Variants in CSMD1 observed in about 807,000 individuals in gnomAD.
CSMD1 encodes the protein CUB and sushi domain-containing protein 1.
In CSMD1, 213 loss-of-function variants were observed where a neutral mutation model predicts 417.5. The observed-to-expected ratio is 0.51, with a 90% confidence interval of 0.46 to 0.57. The LOEUF (loss-of-function observed/expected upper bound fraction) is 0.57. CSMD1 is among the 20% of genes least tolerant of loss of function. CSMD1 has a pLI of 0.00. For missense variants in CSMD1, 6,923 were observed against 4,529.7 expected, an observed-to-expected ratio of 1.53 and a Z score of -15.17; for synonymous variants, 2,862 against 1,736.8, an observed-to-expected ratio of 1.65 and a Z score of -16.11.
At chr8:3,070,116 G>A (rs1473983238) in intron 49 of CSMD1, among the ~76,000 whole-genome samples, 1 of 152,194 alleles carries the variant, frequency 6.6e-6, no homozygotes, top group East Asian at 1.9e-4. Context: ...CCTGGGCCTG[G>A]CCCACAAAAT....
chr8:3,806,238 A>C (rs995375939), intron 5 of CSMD1, among the ~76,000 whole-genome samples: 1 of 152,160 alleles, frequency 6.6e-6, no homozygotes, highest in Admixed American at 6.5e-5. Flanking sequence ...TATGGAGTAC[A>C]TGCAGGTTGT....
At chr8:4,016,267 G>C (rs573056914) in intron 4 of CSMD1, among the ~76,000 whole-genome samples, 2 of 152,030 alleles carry the variant, frequency 1.3e-5, no homozygotes, top group Non-Finnish European at 2.9e-5. Context: ...GTAATTCATA[G>C]GTACCTAAAA....
At chr8:4,432,322 A>G (rs1294497292) in intron 2 of CSMD1, among the ~76,000 whole-genome samples, 1 of 152,168 alleles carries the variant, frequency 6.6e-6, no homozygotes, top group Non-Finnish European at 1.5e-5. Context: ...CAGCTTAAGT[A>G]ACTTACTCAA....
intron 5 of CSMD1, among the ~76,000 whole-genome samples, chr8:3,901,510 A>T (rs567175226): frequency 6.6e-6 from 1 of 152,302 alleles, no homozygotes; most frequent in Admixed American, 6.5e-5. Flanking sequence ...GAACCAAGGG[A>T]GCCACGCTTT....
At chr8:3,150,577 TATTC>T (rs111736662) in intron 40 of CSMD1, among the ~76,000 whole-genome samples, 7 of 152,228 alleles carry the variant, frequency 4.6e-5, no homozygotes, top group Admixed American at 1.3e-4. Context: ...TTTATGGTTG[TATTC>T]ATTCATTCAT....
intron 10 of CSMD1, among the ~76,000 whole-genome samples, chr8:3,538,241 C>G (rs1011732191): frequency 6.6e-6 from 1 of 152,242 alleles, no homozygotes; most frequent in South Asian, 2.1e-4. Flanking sequence ...CAATGGCACA[C>G]CTGAGATGCC....
At chr8:3,180,039 A>C (rs1238244345) in intron 37 of CSMD1, among the ~76,000 whole-genome samples, 1 of 152,220 alleles carries the variant, frequency 6.6e-6, no homozygotes, top group Non-Finnish European at 1.5e-5. Context: ...AATTCAAAAG[A>C]TCACTTATTA....
At chr8:4,962,368 G>C (rs1243685778) in intron 1 of CSMD1, among the ~76,000 whole-genome samples, 1 of 151,894 alleles carries the variant, frequency 6.6e-6, no homozygotes, top group Non-Finnish European at 1.5e-5. Context: ...AAGCCATCTT[G>C]ACTGCTTAAT....
At chr8:4,365,424 G>A (rs571304863) in intron 3 of CSMD1, among the ~76,000 whole-genome samples, 20 of 152,058 alleles carry the variant, frequency 1.3e-4, no homozygotes, top group East Asian at 7.7e-4. Context: ...TAACCTCTGG[G>A]GAAAAATAAA....
intron 4 of CSMD1, among the ~76,000 whole-genome samples, chr8:3,998,501 A>G (rs1815401211): frequency 6.6e-6 from 1 of 152,200 alleles, no homozygotes. Flanking sequence ...TTATTCATGG[A>G]TACCTGGCTT....
intron 2 of CSMD1, among the ~76,000 whole-genome samples, chr8:4,420,592 G>T (rs553125334): frequency 3.3e-5 from 5 of 152,028 alleles, no homozygotes; most frequent in Non-Finnish European, 5.9e-5. Context: ...AAACATTTGT[G>T]CACTCAAACA....
At chr8:4,209,270 C>G (rs1239473544) in intron 3 of CSMD1, among the ~76,000 whole-genome samples, 2 of 152,180 alleles carry the variant, frequency 1.3e-5, no homozygotes, top group South Asian at 2.1e-4. Flanking sequence ...CAGCTGGCCT[C>G]TTTCCTTCAT....
At chr8:4,355,993 G>T (rs964595483) in intron 3 of CSMD1, among the ~76,000 whole-genome samples, 1 of 152,018 alleles carries the variant, frequency 6.6e-6, no homozygotes, top group African/African-American at 2.4e-5. Flanking sequence ...ATGATATTGG[G>T]GTACATGTGG....
At chr8:4,258,341 G>T (rs960394701) in intron 3 of CSMD1, among the ~76,000 whole-genome samples, 2 of 73,712 alleles carry the variant, frequency 2.7e-5, no homozygotes, top group African/African-American at 5.8e-5. Context: ...AGGGAGGGAG[G>T]GGAGGGAGAA....
At chr8:4,664,932 T>C (rs1804821310) in intron 1 of CSMD1, among the ~76,000 whole-genome samples, 1 of 152,228 alleles carries the variant, frequency 6.6e-6, no homozygotes, top group Non-Finnish European at 1.5e-5. Flanking sequence ...TAGGAATGTG[T>C]TTGGGAATTT....
chr8:3,834,903 T>C (rs1040970690), intron 5 of CSMD1, among the ~76,000 whole-genome samples: 24 of 151,390 alleles, frequency 1.6e-4, no homozygotes, highest in African/African-American at 4.4e-4. Flanking sequence ...AAAAAGTGGG[T>C]GAAGGACATG....
intron 5 of CSMD1, among the ~76,000 whole-genome samples, chr8:3,903,200 G>A (rs969206653): frequency 2.6e-5 from 4 of 152,002 alleles, no homozygotes; most frequent in Non-Finnish European, 5.9e-5. Context: ...TTACCCTTCA[G>A]TGTGACTCTG....
chr8:3,653,017 T>G (rs1467064655), intron 7 of CSMD1, among the ~76,000 whole-genome samples: 3 of 152,146 alleles, frequency 2.0e-5, no homozygotes, highest in Admixed American at 2.0e-4. Context: ...CAAATTATAC[T>G]AGAAGCCAAT....
At chr8:3,112,548 A>G (rs1276159044) in intron 42 of CSMD1, among the ~76,000 whole-genome samples, 4 of 152,332 alleles carry the variant, frequency 2.6e-5, no homozygotes, top group Non-Finnish European at 4.4e-5. Context: ...GATTCTTGCC[A>G]TGATTTATCT....
Sources: allele counts gnomAD v4.1 joint callset (sites outside exome capture counted in the v4.1 genomes callset), GRCh38; gene constraint gnomAD v4.1.1; transcripts MANE v1.5; gene names NCBI Gene and HGNC (gene_info 2026-07-23, HGNC 2026-07-21).